SCN8A: variants seen among roughly 807,000 people sequenced by gnomAD.
SCN8A encodes the protein sodium voltage-gated channel alpha subunit 8.
SCN8A carries 30 observed loss-of-function variants against 184.1 expected under a neutral mutation model. That is an observed-to-expected ratio of 0.16 (90% CI 0.12 to 0.22). SCN8A has a LOEUF of 0.22. Among genes scored for constraint, SCN8A ranks in the 10% least tolerant of loss-of-function variants. The probability of loss-of-function intolerance (pLI) is 1.00; values close to 1 mark genes in which losing one functional copy is unlikely to be tolerated. For missense variants in SCN8A, 1,057 were observed against 2,498.9 expected (o/e 0.42, Z 12.30); for synonymous variants, 852 against 907.0 (o/e 0.94, Z 1.09).
intron 21 of SCN8A, among the ~76,000 whole-genome samples, chr12:51,781,231 A>C (rs1392342933): frequency 1.3e-5 from 2 of 152,148 alleles, no homozygotes; most frequent in African/African-American, 4.8e-5. Flanking sequence ...AATGGGCTTG[A>C]AGATATGACG....
At chr12:51,788,453 T>TA (rs1938151128) in intron 22 of SCN8A, 1 of 302,652 alleles carries the variant, frequency 3.3e-6, no homozygotes, top group African/African-American at 2.2e-5. Context: ...AGTCCTTTCG[T>TA]AAAGCCTTAA....
intron 19 of SCN8A, among the ~76,000 whole-genome samples, chr12:51,771,945 T>C (rs1195227950): frequency 1.3e-5 from 2 of 152,244 alleles, no homozygotes; most frequent in Non-Finnish European, 2.9e-5. Flanking sequence ...CTCTTCTCTT[T>C]CCCATCTCTA....
At chr12:51,782,718 G>A (rs1029016828) in intron 21 of SCN8A, among the ~76,000 whole-genome samples, 1 of 152,142 alleles carries the variant, frequency 6.6e-6, no homozygotes, top group East Asian at 1.9e-4. Context: ...CCTCATGGCC[G>A]CTGAGGCCAG....
In SCN8A at chr12:51,810,499, G is replaced by A. The variant is rs772387337; in HGVS notation, c.*3070G>A. ...TATTAACGAAGCCAATCAAAGAGCA[G>A]CGCAGCCACAGTATCACTGCACATA... On this transcript the variant is annotated 3_prime_UTR_variant, in exon 27 of 27. Transcript: ENST00000627620. The A allele has an allele frequency of 1.6e-5, 7 of 434,260 alleles. No individual in the cohort carries two copies. Among genetic ancestry groups the A allele is most frequent in the South Asian group, 9.8e-5 (6 of 61,204 alleles). 26.9% of individuals were successfully genotyped at this position (434,260 alleles called of 1,614,324 possible). A position where few individuals can be genotyped will look rare whatever the true frequency, so the allele number is the denominator to read the frequency against.
intron 14 of SCN8A, among the ~76,000 whole-genome samples, chr12:51,756,115 C>T (rs929145252): frequency 1.3e-5 from 2 of 152,180 alleles, no homozygotes; most frequent in African/African-American, 4.8e-5. Context: ...TCTCACCCCA[C>T]ACCAGACTCT....
intron 1 of SCN8A, among the ~76,000 whole-genome samples, chr12:51,595,378 A>G (rs900542602): frequency 2.0e-5 from 3 of 152,232 alleles, no homozygotes; most frequent in Non-Finnish European, 4.4e-5. Context: ...TGGAAAAATT[A>G]TCCCTTTGTG....
chr12:51,752,480 T>C (rs1384472273), intron 14 of SCN8A, among the ~76,000 whole-genome samples: 2 of 152,108 alleles, frequency 1.3e-5, no homozygotes, highest in African/African-American at 4.8e-5. Flanking sequence ...ACTATACTAT[T>C]AGAGCACTAC....
intron 6 of SCN8A, among the ~76,000 whole-genome samples, chr12:51,696,589 G>T (rs7973692): frequency 0.84 from 128,120 of 152,178 alleles, 54,741 homozygotes; most frequent in East Asian, 0.97. Context: ...CTCAATCAAA[G>T]AAACATCTCT....
chr12:51,638,170 A>T (rs1940360661), intron 1 of SCN8A, among the ~76,000 whole-genome samples: 1 of 152,168 alleles, frequency 6.6e-6, no homozygotes, highest in Non-Finnish European at 1.5e-5. Context: ...ATTAATACTC[A>T]TTGACAGTAT....
At position 51,732,492 on chromosome 12, in the gene SCN8A, A is replaced by C. The variant is rs189278489; in HGVS notation, c.1998+10584A>C. Among the ~76,000 whole-genome samples, 379 of 152,258 alleles carry C rather than the reference A, an allele frequency of 2.5e-3. 3 individuals are homozygous for C. The highest frequency in any genetic ancestry group is 8.3e-3 in the African/African-American group (347 of 41,568). Reference sequence around the variant, plus strand: ...CTATAGCTCCGTTGTATAATTTAAAATCAAGTAATGTGATTCCTCCAGTTT... The same window carrying C: ...CTATAGCTCCGTTGTATAATTTAAACTCAAGTAATGTGATTCCTCCAGTTT... On this transcript the variant is annotated intron_variant, in intron 12 of 26. Coordinates refer to ENST00000627620, the MANE Select transcript of SCN8A (RefSeq NM_001330260.2).
chr12:51,744,147 A>G (rs1942471030), intron 12 of SCN8A, among the ~76,000 whole-genome samples: 1 of 152,144 alleles, frequency 6.6e-6, no homozygotes, highest in Non-Finnish European at 1.5e-5. Context: ...ACTAAAAAAT[A>G]CAAAAATTAG....
chr12:51,596,447 T>C (rs1939351527), intron 1 of SCN8A, among the ~76,000 whole-genome samples: 2 of 152,226 alleles, frequency 1.3e-5, no homozygotes, highest in South Asian at 4.1e-4. Context: ...GTACCTAGGT[T>C]GGTCGACTCA....
chr12:51,595,776 C>T (rs140579334), intron 1 of SCN8A, among the ~76,000 whole-genome samples: 1,684 of 152,220 alleles, frequency 0.011, 14 homozygotes, highest in Non-Finnish European at 0.016. Flanking sequence ...ATGTATTTGA[C>T]GTAGTATATA....
At position 51,641,211 on chromosome 12, in the gene SCN8A, T is replaced by C. The variant is rs367819716; in HGVS notation, c.-54-21553T>C. Among the ~76,000 whole-genome samples, 15 of 152,318 alleles carry C rather than the reference T, an allele frequency of 9.8e-5. No individual in the cohort carries two copies. The South Asian group carries it at 1.7e-3, about 17-fold the overall frequency. On this transcript the variant is annotated intron_variant, in intron 1 of 26. Transcript: ENST00000627620. ...TAAGGAATCTAGAGATTATTTAAAG[T>C]ATATAGGAGGCTGTGCATAGGTTAT...
intron 2 of SCN8A, among the ~76,000 whole-genome samples, chr12:51,672,220 G>A (rs915078903): frequency 6.6e-6 from 1 of 152,108 alleles, no homozygotes. Context: ...GTAAAGAGGA[G>A]GGTTTACTCA....
In SCN8A at chr12:51,780,694, C is replaced by T. The variant is rs764993547; in HGVS notation, c.3865C>T (p.Leu1289=). 1.3e-6 allele frequency: 2 copies of T among 1,587,610 alleles called. No individual in the cohort carries two copies. The highest frequency in any genetic ancestry group is 1.1e-5 in the South Asian group (1 of 88,944). ...AGCTAATGCCCTGGGCTACTCGGAACTAGGTGCCATAAAGTCCCTTAGGAC... is the reference window on the plus strand; with the variant it reads ...AGCTAATGCCCTGGGCTACTCGGAATTAGGTGCCATAAAGTCCCTTAGGAC... The part of the protein sequence containing the change: ...LIANALGYSE[L]GAIKSLRTLR... Residue 1289 remains leucine, a synonymous_variant, in exon 21 of 27, where the codon CTA becomes TTA. Coordinates refer to ENST00000627620, the MANE Select transcript of SCN8A (RefSeq NM_001330260.2).
rs796698270 is a variant in SCN8A, at chr12:51,634,657, T to TTATTA, written c.-54-28106_-54-28105insATTAT. Among the ~76,000 whole-genome samples, 72 of 33,992 alleles carry TTATTA rather than the reference T, an allele frequency of 2.1e-3. 1 individual carries two copies. Among genetic ancestry groups the TTATTA allele is most frequent in the African/African-American group, 4.2e-3 (55 of 13,074 alleles). The allele number at this position is 33,992 out of a possible 152,430, so 22.3% of individuals were successfully genotyped here. ...CGTATTATTATTATTATTATTATTA[T>TTATTA]TTTTTTTTTTTGAGACTGAGTCTTG... On this transcript the variant is annotated intron_variant, in intron 1 of 26. Transcript: ENST00000627620.
chr12:51,668,194 A>C (rs999843935), intron 2 of SCN8A, among the ~76,000 whole-genome samples: 1 of 152,050 alleles, frequency 6.6e-6, no homozygotes, highest in Non-Finnish European at 1.5e-5. Context: ...AAAAAAAAAA[A>C]AAAAAATTAT....
chr12:51,717,273 C>G (rs1026080163), intron 11 of SCN8A, among the ~76,000 whole-genome samples: 3 of 152,200 alleles, frequency 2.0e-5, no homozygotes, highest in African/African-American at 7.2e-5. Flanking sequence ...CATCTTCTGG[C>G]CAGCCACATT....
Sources: gnomAD v4.1 joint callset for allele counts (sites outside exome capture counted in the v4.1 genomes callset) on GRCh38, gnomAD v4.1.1 for gene constraint, MANE v1.5 for transcripts, NCBI Gene and HGNC (gene_info 2026-07-23, HGNC 2026-07-21) for gene names.